CRACDL: variants seen among roughly 807,000 people sequenced by gnomAD.
The protein encoded by CRACDL is CRACD like, also known as CRACD-like protein.
Under a neutral mutation model 70.6 loss-of-function variants are expected in CRACDL, and 26 were observed. The observed-to-expected ratio is 0.37, with a 90% CI of 0.27 to 0.51. The LOEUF (loss-of-function observed/expected upper bound fraction) is 0.51, where lower values mean the gene tolerates loss of function less well. Ranked by LOEUF, CRACDL falls within the 20% of genes least tolerant of loss-of-function variation. CRACDL has a pLI of 0.94. For missense variants in CRACDL, 1,283 were observed against 1,376.9 expected (o/e 0.93, Z 1.08); for synonymous variants, 618 against 615.2 (o/e 1.00, Z -0.07).
intron 1 of CRACDL, among the ~76,000 whole-genome samples, chr2:98,879,395 T>C (rs1301258399): frequency 1.3e-5 from 2 of 152,200 alleles, no homozygotes; most frequent in African/African-American, 2.4e-5. Flanking sequence ...GTGATGTGGA[T>C]GTGGGGTTGG....
rs1466179283 is a variant in CRACDL, at chr2:98,795,075, ATATTTT to A, written c.2750-410_2750-405del. ...TATATATATATATATATATATATAT[ATATTTT>A]TTTTTTTTTTTGAGACAGAAGTCTC... On this transcript the variant is annotated intron_variant, in intron 9 of 9. Coordinates refer to ENST00000397899, the MANE Select transcript of CRACDL (RefSeq NM_207362.3). 6.9e-4 allele frequency among the ~76,000 whole-genome samples: 17 copies of A among 24,466 alleles called. 1 individual carries two copies. In the East Asian group the frequency reaches 0.022, roughly 31 times the overall value. The allele number at this position is 24,466 out of a possible 152,430, so 16.1% of individuals were successfully genotyped here.
chr2:98,822,861 C>T lies in CRACDL; in HGVS notation c.1412G>A (p.Gly471Glu), dbSNP rs1336192138. The change falls in exon 7 of 10, where the codon GGA becomes GAA. Residue 471 changes from glycine to glutamate, a missense_variant. This residue lies in a region of CRACDL where 921 missense variants were observed against 881.9 expected (regional missense o/e 1.04). Coordinates refer to ENST00000397899, the MANE Select transcript of CRACDL (RefSeq NM_207362.3). The surrounding 1 kb of genome is among the most constrained non-coding windows in gnomAD (Gnocchi z 4.9). ...AATTCTCTCGGGCTCGGTCCCCGCT[C>T]CTCTCTCGGGCTCCGTCTCCGCTTC... The part of the protein sequence containing the change: ...EREAETEPER[G>E]AGTEPERIGT... 4 of 1,461,184 alleles carry T rather than the reference C, an allele frequency of 2.7e-6. No homozygotes were observed. The highest frequency in any genetic ancestry group is 2.7e-5 in the East Asian group (1 of 36,924). The allele number at this position is 1,461,184 out of a possible 1,614,324, so 90.5% of individuals were successfully genotyped here. A position where few individuals can be genotyped will look rare whatever the true frequency, so the allele number is the denominator to read the frequency against.
At chr2:98,906,652 G>A (rs1378195404) in intron 1 of CRACDL, among the ~76,000 whole-genome samples, 2 of 152,218 alleles carry the variant, frequency 1.3e-5, no homozygotes, top group African/African-American at 4.8e-5. Context: ...CTTCTCTGCT[G>A]AAATTCCTAT....
intron 1 of CRACDL, among the ~76,000 whole-genome samples, chr2:98,878,878 C>T (rs115215911): frequency 0.018 from 2,708 of 152,262 alleles, 89 homozygotes; most frequent in African/African-American, 0.061. Context: ...AACCACTGTA[C>T]GGTAGGGACC....
At chr2:98,839,848 T>C (rs1705945118) in intron 2 of CRACDL, among the ~76,000 whole-genome samples, 1 of 152,232 alleles carries the variant, frequency 6.6e-6, no homozygotes, top group Non-Finnish European at 1.5e-5. Context: ...ACAACATCTA[T>C]AGTGATTGAT....
At chr2:98,837,455 T>TA (rs113790129) in intron 3 of CRACDL, among the ~76,000 whole-genome samples, 248 of 145,144 alleles carry the variant, frequency 1.7e-3, no homozygotes, top group Middle Eastern at 7.1e-3. Flanking sequence ...AGCGTTGTCT[T>TA]AAAAAAAAAA....
chr2:98,896,048 T>A (rs1708115287), intron 1 of CRACDL, among the ~76,000 whole-genome samples: 1 of 152,150 alleles, frequency 6.6e-6, no homozygotes, highest in African/African-American at 2.4e-5. Context: ...TCCAGAAGTT[T>A]GTTACACCAA....
intron 1 of CRACDL, among the ~76,000 whole-genome samples, chr2:98,922,060 G>A (rs370610205): frequency 7.2e-4 from 109 of 152,286 alleles, no homozygotes; most frequent in African/African-American, 2.4e-3. Context: ...CCTAAAGTTC[G>A]TGTTTTTCTT....
chr2:98,934,086 G>A (rs1217066244), intron 1 of CRACDL, among the ~76,000 whole-genome samples: 1 of 152,022 alleles, frequency 6.6e-6, no homozygotes, highest in African/African-American at 2.4e-5. Context: ...TCACCTTGAG[G>A]ATTAGGAATC....
intron 1 of CRACDL, among the ~76,000 whole-genome samples, chr2:98,913,208 A>G (rs758033052): frequency 6.6e-5 from 10 of 152,228 alleles, no homozygotes; most frequent in Non-Finnish European, 1.5e-4. Context: ...CTAAGGTGCC[A>G]TCCCCACCCT....
At chr2:98,837,696 C>A (rs1019654072) in intron 3 of CRACDL, among the ~76,000 whole-genome samples, 1 of 151,954 alleles carries the variant, frequency 6.6e-6, no homozygotes, top group Non-Finnish European at 1.5e-5. Flanking sequence ...CCCCTCCCCA[C>A]CCCCATCAAG....
At chr2:98,849,577 A>AG (rs1442518168) in intron 1 of CRACDL, among the ~76,000 whole-genome samples, 1 of 151,386 alleles carries the variant, frequency 6.6e-6, no homozygotes, top group African/African-American at 2.4e-5. Flanking sequence ...AGGGCCGGGG[A>AG]GGGGGGAGCA....
chr2:98,901,442 A>G (rs1708278113), intron 1 of CRACDL, among the ~76,000 whole-genome samples: 1 of 152,144 alleles, frequency 6.6e-6, no homozygotes. Flanking sequence ...CCCCATCCAG[A>G]GCTCAGAGCC....
chr2:98,913,140 A>C (rs1308866252), intron 1 of CRACDL, among the ~76,000 whole-genome samples: 1 of 152,234 alleles, frequency 6.6e-6, no homozygotes, highest in Non-Finnish European at 1.5e-5. Flanking sequence ...ATGCAATCTT[A>C]TTTGAAAACC....
rs1362718717 is a variant in CRACDL, at chr2:98,797,497, A to G, written c.2457T>C (p.Asp819=). ...TGATCCAGGGTGGCGCAGGCTGCCC[A>G]TCAGCTCCAGGCCCTGTTGCTGCAG... ...LPPAATGPGA[D]GQPAPPWITV... is the part of the protein sequence containing the mutation. Residue 819 remains aspartate (D), a synonymous_variant, in exon 8 of 10, where the codon GAT becomes GAC. Coordinates refer to ENST00000397899, the MANE Select transcript of CRACDL (RefSeq NM_207362.3). 6.2e-7 allele frequency: 1 copy of G among 1,614,176 alleles called. No homozygotes were observed. Among genetic ancestry groups the G allele is most frequent in the Non-Finnish European group, 8.5e-7 (1 of 1,180,032 alleles).
intron 3 of CRACDL, 69 bp downstream of exon 3, chr2:98,838,050 C>A: frequency 7.4e-7 from 1 of 1,350,766 alleles, no homozygotes; most frequent in East Asian, 2.4e-5. Context: ...AGAAATCCAG[C>A]AAGTTACCAG....
At chr2:98,859,903 T>C (rs1461396290) in intron 1 of CRACDL, among the ~76,000 whole-genome samples, 1 of 152,204 alleles carries the variant, frequency 6.6e-6, no homozygotes, top group Non-Finnish European at 1.5e-5. Flanking sequence ...TGCACATAGA[T>C]AATGTTGAGG....
chr2:98,880,914 T>A (rs1331573671), intron 1 of CRACDL, among the ~76,000 whole-genome samples: 1 of 152,218 alleles, frequency 6.6e-6, no homozygotes, highest in African/African-American at 2.4e-5. Context: ...CCTCGGCTGC[T>A]GTGGCTGAAG....
chr2:98,922,478 G>T (rs1573204597), intron 1 of CRACDL, among the ~76,000 whole-genome samples: 1 of 150,800 alleles, frequency 6.6e-6, no homozygotes, highest in Admixed American at 6.6e-5. Context: ...AGAAAGAAAA[G>T]AAATTAAAAC....
Sources: allele counts gnomAD v4.1 joint callset (sites outside exome capture counted in the v4.1 genomes callset), GRCh38; gene constraint gnomAD v4.1.1; regional missense constraint gnomAD v4.1.1; non-coding constraint Gnocchi (gnomAD v3.1); transcripts MANE v1.5; gene names NCBI Gene and HGNC (gene_info 2026-07-23, HGNC 2026-07-21).